Variants in LRRC4C observed in about 807,000 individuals in gnomAD.
The protein encoded by LRRC4C is leucine rich repeat containing 4C.
In LRRC4C, 5 loss-of-function variants were observed where a neutral mutation model predicts 33.6. The observed-to-expected ratio is 0.15, with a 90% CI of 0.08 to 0.31. The LOEUF (loss-of-function observed/expected upper bound fraction) is 0.31, where lower values mean the gene tolerates loss of function less well. Ranked by LOEUF, LRRC4C falls within the 10% of genes least tolerant of loss-of-function variation. The pLI, the probability that LRRC4C is intolerant of heterozygous loss-of-function variation, is 1.00. For missense variants in LRRC4C, 560 were observed against 796.7 expected, an observed-to-expected ratio of 0.70 and a Z score of 3.58; for synonymous variants, 329 against 302.0, an observed-to-expected ratio of 1.09 and a Z score of -0.93.
At chr11:40,414,450 T>C (rs1192507353) in intron 3 of LRRC4C, among the ~76,000 whole-genome samples, 1 of 152,064 alleles carries the variant, frequency 6.6e-6, no homozygotes, top group African/African-American at 2.4e-5. Context: ...CTTACAGAGA[T>C]AATGATAAGC....
At chr11:40,425,361 A>G (rs1950672353) in intron 3 of LRRC4C, among the ~76,000 whole-genome samples, 1 of 152,208 alleles carries the variant, frequency 6.6e-6, no homozygotes, top group Non-Finnish European at 1.5e-5. Flanking sequence ...CACTCTTGCC[A>G]GGACACACTG....
chr11:41,126,656 A>T (rs1360766451), intron 1 of LRRC4C, among the ~76,000 whole-genome samples: 1 of 151,938 alleles, frequency 6.6e-6, no homozygotes, highest in African/African-American at 2.4e-5. Flanking sequence ...TTTGGCCCAT[A>T]GGGCATCAAC....
intron 1 of LRRC4C, among the ~76,000 whole-genome samples, chr11:41,324,717 AGAT>A (rs1183516265): frequency 1.3e-5 from 2 of 152,204 alleles, no homozygotes; most frequent in Non-Finnish European, 2.9e-5. Context: ...ACTCAGAGGC[AGAT>A]ATTTCATCAA....
At chr11:40,163,141 C>T (rs796101787) in intron 5 of LRRC4C, among the ~76,000 whole-genome samples, 20 of 152,308 alleles carry the variant, frequency 1.3e-4, no homozygotes, top group African/African-American at 4.6e-4. Flanking sequence ...TTGCTTGGAA[C>T]GTTTCCCAGA....
intron 2 of LRRC4C, among the ~76,000 whole-genome samples, chr11:40,910,763 G>C (rs1432329326): frequency 4.6e-5 from 7 of 152,216 alleles, no homozygotes; most frequent in African/African-American, 1.7e-4. Flanking sequence ...CCTCACCCAG[G>C]AAGTGCAAGG....
At chr11:40,155,106 G>T (rs1858573468) in intron 5 of LRRC4C, among the ~76,000 whole-genome samples, 1 of 152,116 alleles carries the variant, frequency 6.6e-6, no homozygotes, top group East Asian at 1.9e-4. Flanking sequence ...GCTCCTGAAT[G>T]GGCACTGTGT....
chr11:40,817,973 T>C (rs1036761238), intron 2 of LRRC4C, among the ~76,000 whole-genome samples: 2 of 152,136 alleles, frequency 1.3e-5, no homozygotes, highest in Non-Finnish European at 2.9e-5. Flanking sequence ...CTAATGGGCT[T>C]CAGGATTTAA....
chr11:40,765,446 A>G (rs1949407346), intron 2 of LRRC4C, among the ~76,000 whole-genome samples: 1 of 152,166 alleles, frequency 6.6e-6, no homozygotes, highest in Non-Finnish European at 1.5e-5. Context: ...TTTTCTTTAT[A>G]AATTATGCAG....
At chr11:40,418,692 G>C (rs1026599666) in intron 3 of LRRC4C, among the ~76,000 whole-genome samples, 1 of 152,216 alleles carries the variant, frequency 6.6e-6, no homozygotes, top group South Asian at 2.1e-4. Context: ...TCACAATAGC[G>C]AAGGCACGGA....
At chr11:40,849,311 C>T (rs951066774) in intron 2 of LRRC4C, among the ~76,000 whole-genome samples, 12 of 152,336 alleles carry the variant, frequency 7.9e-5, no homozygotes, top group African/African-American at 2.9e-4. Flanking sequence ...GTGCTTCCTT[C>T]AGGAGCTCTT....
chr11:40,473,708 C>T (rs1190387344), intron 3 of LRRC4C, among the ~76,000 whole-genome samples: 4 of 152,086 alleles, frequency 2.6e-5, no homozygotes, highest in Non-Finnish European at 5.9e-5. Flanking sequence ...AAAACCCCAT[C>T]GTCTCAGCCC....
chr11:41,396,404 T>C (rs1053514706), intron 1 of LRRC4C, among the ~76,000 whole-genome samples: 1 of 151,994 alleles, frequency 6.6e-6, no homozygotes, highest in African/African-American at 2.4e-5. Context: ...GATTGTAATT[T>C]TGAGATTAGA....
chr11:41,219,377 G>C (rs897157803), intron 1 of LRRC4C, among the ~76,000 whole-genome samples: 8 of 152,140 alleles, frequency 5.3e-5, no homozygotes, highest in Admixed American at 2.6e-4. Context: ...CGGGTCATTG[G>C]GAAGAAAGTC....
At chr11:40,127,147 G>A (rs1223826452) in intron 6 of LRRC4C, among the ~76,000 whole-genome samples, 1 of 150,254 alleles carries the variant, frequency 6.7e-6, no homozygotes, top group Non-Finnish European at 1.5e-5. Flanking sequence ...CATGGTGGTG[G>A]GCACCTGTAA....
At chr11:40,425,661 AG>A (rs1328366546) in intron 3 of LRRC4C, among the ~76,000 whole-genome samples, 1 of 152,250 alleles carries the variant, frequency 6.6e-6, no homozygotes, top group African/African-American at 2.4e-5. Flanking sequence ...AAATGAAAAT[AG>A]TGGAAAGGAA....
chr11:40,609,935 A>G (rs970504304), intron 3 of LRRC4C, among the ~76,000 whole-genome samples: 1 of 151,978 alleles, frequency 6.6e-6, no homozygotes, highest in African/African-American at 2.4e-5. Context: ...AGAACCAGAT[A>G]GCTTCACTGG....
At chr11:40,677,983 G>A (rs1944487798) in intron 2 of LRRC4C, among the ~76,000 whole-genome samples, 2 of 152,036 alleles carry the variant, frequency 1.3e-5, no homozygotes, top group Admixed American at 1.3e-4. Context: ...TGACTTGGAT[G>A]GCTCCGTGGA....
chr11:40,635,628 ATTTTTTTTTTTT>A (rs71060975), intron 3 of LRRC4C, among the ~76,000 whole-genome samples: 4 of 92,198 alleles, frequency 4.3e-5, no homozygotes, highest in African/African-American at 1.6e-4. Context: ...AAAGAACCAA[ATTTTTTTTTTTT>A]TTTTTTTTTT....
intron 1 of LRRC4C, among the ~76,000 whole-genome samples, chr11:41,292,197 T>C (rs192683728): frequency 3.2e-4 from 49 of 152,278 alleles, no homozygotes; most frequent in African/African-American, 1.1e-3. Flanking sequence ...TTGACTCACT[T>C]TAGCTAATTA....
Sources: gnomAD v4.1 joint callset for allele counts (sites outside exome capture counted in the v4.1 genomes callset) on GRCh38, gnomAD v4.1.1 for gene constraint, MANE v1.5 for transcripts, NCBI Gene and HGNC (gene_info 2026-07-23, HGNC 2026-07-21) for gene names.